Variants in SEPTIN9 observed in about 807,000 individuals in gnomAD.
The protein encoded by SEPTIN9 is septin-9.
SEPTIN9 carries 13 observed loss-of-function variants against 56.6 expected under a neutral mutation model. The observed-to-expected ratio is 0.23, with a 90% CI of 0.15 to 0.37. The LOEUF (loss-of-function observed/expected upper bound fraction) is 0.37, where lower values mean the gene tolerates loss of function less well. Ranked by LOEUF, SEPTIN9 falls within the 10% of genes least tolerant of loss-of-function variation. SEPTIN9 has a pLI of 1.00. For missense variants in SEPTIN9, 650 were observed against 823.1 expected (o/e 0.79, Z 2.57); for synonymous variants, 332 against 334.1 (o/e 0.99, Z 0.07).
At chr17:77,290,941 TC>T (rs1012686147) in intron 1 of SEPTIN9, among the ~76,000 whole-genome samples, 8 of 149,836 alleles carry the variant, frequency 5.3e-5, no homozygotes, top group African/African-American at 1.7e-4. Context: ...GATCATGACC[TC>T]CCAGTCTCGA....
At chr17:77,295,569 G>A (rs1475394003) in intron 1 of SEPTIN9, among the ~76,000 whole-genome samples, 1 of 152,184 alleles carries the variant, frequency 6.6e-6, no homozygotes, top group Non-Finnish European at 1.5e-5. Context: ...GCAGGCCTGG[G>A]GACCTGGACA....
intron 10 of SEPTIN9, among the ~76,000 whole-genome samples, chr17:77,495,127 G>A (rs2040200648): frequency 6.6e-6 from 1 of 152,166 alleles, no homozygotes. Context: ...CACCCTGGTG[G>A]CCAACCTTGA....
intron 2 of SEPTIN9, among the ~76,000 whole-genome samples, chr17:77,386,226 C>T (rs2035333400): frequency 6.6e-6 from 1 of 152,182 alleles, no homozygotes; most frequent in Non-Finnish European, 1.5e-5. Flanking sequence ...CAGGCTCCCT[C>T]CTGCCCCCAC....
In SEPTIN9 at chr17:77,475,945, C is replaced by G. The variant is rs1237363486; in HGVS notation, c.722-6199C>G. On this transcript the variant is annotated intron_variant, in intron 3 of 11. Transcript: ENST00000427177. The surrounding 1 kb of genome is among the most constrained non-coding windows in gnomAD (Gnocchi z 4.6). The stretch of plus-strand genomic sequence containing the variant: ...CCATTTCGGTCCGTGCTCTGAGAGC[C>G]AGGTGTGGGTTGGGTTTGGGGAAGA... The G allele has an allele frequency of 6.3e-7, 1 of 1,578,676 alleles. No homozygotes were observed. Among genetic ancestry groups the G allele is most frequent in the Admixed American group, 1.7e-5 (1 of 58,532 alleles).
chr17:77,294,117 AAAC>A (rs1567978085), intron 1 of SEPTIN9, among the ~76,000 whole-genome samples: 1 of 119,272 alleles, frequency 8.4e-6, no homozygotes, highest in Non-Finnish European at 1.9e-5. Context: ...AAAAAAAAAA[AAAC>A]AACAAAAAAA....
Position 77,405,493 on chromosome 17 carries a change from C to A in SEPTIN9, c.721+2790C>A, listed in dbSNP as rs2036036896. On this transcript the variant is annotated intron_variant, in intron 3 of 11. Coordinates refer to ENST00000427177, the MANE Select transcript of SEPTIN9 (RefSeq NM_001113491.2). The surrounding 1 kb of genome is among the most constrained non-coding windows in gnomAD (Gnocchi z 5.8). ...GTTGGAGCCGGGGCATGGGAGAAAA[C>A]CATCAGCATCCCAGACCCGGCCACC... Among the ~76,000 whole-genome samples, 3 of 152,202 alleles carry A rather than the reference C, an allele frequency of 2.0e-5. No individual in the cohort carries two copies. The highest frequency in any genetic ancestry group is 7.2e-5 in the African/African-American group (3 of 41,448).
rs1447180467 is a variant in SEPTIN9 at position 77,320,320 on chromosome 17, C to A, written c.76+13123C>A. 4 of 1,612,908 alleles carry A rather than the reference C, an allele frequency of 2.5e-6. No homozygotes were observed. In the East Asian group the frequency reaches 6.7e-5, roughly 27 times the overall value. ...GACTCCCGCCGCTGCTAAATATATC[C>A]GTAGGAATGGAGAGGGACCGGATCT... On this transcript the variant is annotated intron_variant, in intron 2 of 11. Coordinates refer to ENST00000427177, the MANE Select transcript of SEPTIN9 (RefSeq NM_001113491.2).
intron 10 of SEPTIN9, among the ~76,000 whole-genome samples, chr17:77,494,380 A>C (rs974238572): frequency 6.6e-6 from 1 of 152,200 alleles, no homozygotes; most frequent in African/African-American, 2.4e-5. Flanking sequence ...GGGAAGGTGC[A>C]GAGGGAAATG....
chr17:77,407,804 G>C (rs903874149), intron 3 of SEPTIN9, among the ~76,000 whole-genome samples: 1 of 152,204 alleles, frequency 6.6e-6, no homozygotes, highest in Non-Finnish European at 1.5e-5. Flanking sequence ...ATCCTTTGGG[G>C]TCATCCCTGG....
In SEPTIN9 at chr17:77,333,877, G is replaced by T. The variant is rs553823753; in HGVS notation, c.76+26680G>T. 1.1e-4 allele frequency among the ~76,000 whole-genome samples: 17 copies of T among 151,938 alleles called. No homozygotes were observed. In the East Asian group the frequency reaches 3.3e-3, roughly 29 times the overall value. On this transcript the variant is annotated intron_variant, in intron 2 of 11. Coordinates refer to ENST00000427177, the MANE Select transcript of SEPTIN9 (RefSeq NM_001113491.2). ...GGTCGCACAATTTTCCAAGATCCTTGTTGGTCATTTACGTATTTTCCTTTG... is the reference window on the plus strand; with the variant it reads ...GGTCGCACAATTTTCCAAGATCCTTTTTGGTCATTTACGTATTTTCCTTTG...
intron 2 of SEPTIN9, among the ~76,000 whole-genome samples, chr17:77,314,924 C>G (rs561771080): frequency 6.6e-6 from 1 of 152,172 alleles, no homozygotes; most frequent in East Asian, 1.9e-4. Flanking sequence ...CGCTGGTGCC[C>G]AGGATGGTGC....
At chr17:77,383,724 G>A (rs1284447863) in intron 2 of SEPTIN9, among the ~76,000 whole-genome samples, 1 of 152,206 alleles carries the variant, frequency 6.6e-6, no homozygotes, top group Non-Finnish European at 1.5e-5. Flanking sequence ...GAGGGGCTGA[G>A]CGAGGTGTCA....
At chr17:77,368,466 C>T (rs1403615372) in intron 2 of SEPTIN9, among the ~76,000 whole-genome samples, 1 of 152,134 alleles carries the variant, frequency 6.6e-6, no homozygotes, top group Admixed American at 6.5e-5. Context: ...CGTTTGCCAC[C>T]ACGCCCGGCT....
Position 77,301,011 on chromosome 17 carries a change from C to T in SEPTIN9, c.20-6130C>T, listed in dbSNP as rs189121405. Among the ~76,000 whole-genome samples the T allele has an allele frequency of 3.5e-3, 462 of 131,612 alleles. 2 individuals carry two copies. The highest frequency in any genetic ancestry group is 0.013 in the African/African-American group (433 of 33,930). 86.3% of individuals were successfully genotyped at this position (131,612 alleles called of 152,430 possible). A position where few individuals can be genotyped will look rare whatever the true frequency, so the allele number is the denominator to read the frequency against. On this transcript the variant is annotated intron_variant, in intron 1 of 11. Coordinates refer to ENST00000427177, the MANE Select transcript of SEPTIN9 (RefSeq NM_001113491.2). The stretch of plus-strand genomic sequence containing the variant: ...AAGTGCCCGCAACCCAGGCTTAAAG[C>T]GCCCCCACCCCAGCTCAAACCGCCC...
intron 4 of SEPTIN9, among the ~76,000 whole-genome samples, chr17:77,486,753 G>A (rs549904366): frequency 1.0e-3 from 155 of 152,240 alleles, no homozygotes; most frequent in African/African-American, 3.6e-3. Flanking sequence ...CTGTGGACTG[G>A]CTGTCTGCAC....
At chr17:77,364,624 G>A (rs560200437) in intron 2 of SEPTIN9, among the ~76,000 whole-genome samples, 2 of 152,316 alleles carry the variant, frequency 1.3e-5, no homozygotes, top group Non-Finnish European at 2.9e-5. Flanking sequence ...CCAGGGCTGG[G>A]GGCTTGCCAG....
chr17:77,492,848 G>T lies in SEPTIN9; in HGVS notation c.1476+132G>T. 1 of 1,202,498 alleles carries T rather than the reference G, an allele frequency of 8.3e-7. No individual in the cohort carries two copies. The highest frequency in any genetic ancestry group is 1.8e-5 in the Admixed American group (1 of 56,186). 74.5% of individuals were successfully genotyped at this position (1,202,498 alleles called of 1,614,324 possible). On this transcript the variant is annotated intron_variant, in intron 9 of 11. Transcript: ENST00000427177. The surrounding 1 kb of genome is among the most constrained non-coding windows in gnomAD (Gnocchi z 5.4). The stretch of plus-strand genomic sequence containing the variant: ...CAGAGGGCACTGAGCCCAGGTGTCT[G>T]TACCCAGTGCTGTCAGGCTGAGGCT...
intron 3 of SEPTIN9, chr17:77,472,516 T>C (rs2039044668): frequency 1.3e-5 from 2 of 152,228 alleles, no homozygotes; most frequent in Admixed American, 6.5e-5. Context: ...TCTTGTTGGC[T>C]CTTCCACCTT....
chr17:77,320,067 C>A, intron 2 of SEPTIN9: 2 of 1,417,910 alleles, frequency 1.4e-6, no homozygotes, highest in East Asian at 2.6e-5. Flanking sequence ...CTCCTTTGCT[C>A]CCTTTTTCCT....
Sources: allele counts gnomAD v4.1 joint callset (sites outside exome capture counted in the v4.1 genomes callset), GRCh38; gene constraint gnomAD v4.1.1; non-coding constraint Gnocchi (gnomAD v3.1); transcripts MANE v1.5; gene names NCBI Gene and HGNC (gene_info 2026-07-23, HGNC 2026-07-21).